Variants in POP1 observed in about 807,000 individuals in gnomAD.
The protein encoded by POP1 is ribonucleases P/MRP protein subunit POP1.
In POP1, 75 loss-of-function variants were observed where a neutral mutation model predicts 102.2. The ratio of observed to expected loss-of-function variants is 0.73; its 90% CI spans 0.61 to 0.89. The LOEUF (loss-of-function observed/expected upper bound fraction) is 0.89. Among genes scored for constraint, POP1 ranks in the 40% least tolerant of loss-of-function variants. The pLI is 0.00. For synonymous variants in POP1, 436 were observed against 464.1 expected (o/e 0.94, Z 0.78); for missense variants, 1,116 against 1,267.4 (o/e 0.88, Z 1.81).
chr8:98,130,766 T>C lies in POP1; in HGVS notation c.735+540T>C, dbSNP rs183409825. ...TTCATCAATAACAGATATTTGAGAA[T>C]CAACTGTGTACCCTGAACAGGGTTC... is the stretch of plus-strand genomic sequence containing the variant. On this transcript the variant is annotated intron_variant, in intron 5 of 15. Coordinates refer to ENST00000401707, the MANE Select transcript of POP1 (RefSeq NM_001145860.2). Among the ~76,000 whole-genome samples the C allele has an allele frequency of 4.6e-5, 7 of 152,328 alleles. No individual in the cohort carries two copies. The East Asian group carries it at 1.4e-3, about 29-fold the overall frequency.
Position 98,134,456 on chromosome 8 carries a change from CT to C in POP1, c.824-12del. On this transcript the variant is annotated splice_polypyrimidine_tract_variant and intron_variant, in intron 6 of 15. Transcript: ENST00000401707. ...CAACACCCGGAATTATGGAATTTTG[CT>C]TTTGTTGATGTCAGGGCTGACGTTT... 1 of 1,613,652 alleles carries C rather than the reference CT, an allele frequency of 6.2e-7. No homozygotes were observed. The highest frequency in any genetic ancestry group is 8.5e-7 in the Non-Finnish European group (1 of 1,179,926).
At chr8:98,123,702 G>A (rs1339182720) in intron 2 of POP1, among the ~76,000 whole-genome samples, 6 of 151,854 alleles carry the variant, frequency 4.0e-5, no homozygotes, top group Non-Finnish European at 8.8e-5. Flanking sequence ...GCTTGAACCT[G>A]GGAGGTGGAG....
chr8:98,139,182 A>T (rs1348463413), intron 9 of POP1, among the ~76,000 whole-genome samples: 1 of 152,156 alleles, frequency 6.6e-6, no homozygotes, highest in Non-Finnish European at 1.5e-5. Context: ...GTAAGTGCAC[A>T]TCCTACTTCA....
Position 98,157,994 on chromosome 8 carries a change from G to C in POP1, c.2798G>C (p.Gly933Ala). 1 of 1,612,850 alleles carries C rather than the reference G, an allele frequency of 6.2e-7. No homozygotes were observed. The highest frequency in any genetic ancestry group is 1.7e-5 in the Admixed American group (1 of 60,030). Residue 933 changes from glycine (G) to alanine (A), a missense_variant, in exon 16 of 16, where the codon GGG (glycine) becomes GCG (alanine). Coordinates refer to ENST00000401707, the MANE Select transcript of POP1 (RefSeq NM_001145860.2). Reference sequence around the variant, plus strand: ...CGTGCCTCTTCTGATGGCCCGGCGGGGGAAGAGCCCGTGGCTGGGCAGGAA... The same window carrying C: ...CGTGCCTCTTCTGATGGCCCGGCGGCGGAAGAGCCCGTGGCTGGGCAGGAA... ...PGRASSDGPA[G>A]EEPVAGQEAL...
rs904784437 is a variant in POP1 at position 98,147,685 on chromosome 8, G to A, written c.1710+1002G>A. On this transcript the variant is annotated intron_variant, in intron 12 of 15. Transcript: ENST00000401707. Reference sequence around the variant, plus strand: ...TGACATAATGGGGGCCTGAATTGTGGCAGTGTGGCTAGAGTGGAGAGGGTG... The same window carrying A: ...TGACATAATGGGGGCCTGAATTGTGACAGTGTGGCTAGAGTGGAGAGGGTG... Among the ~76,000 whole-genome samples, 4 of 152,288 alleles carry A rather than the reference G, an allele frequency of 2.6e-5. No individual in the cohort carries two copies. In the East Asian group the frequency reaches 5.8e-4, roughly 22 times the overall value.
At chr8:98,127,867 C>T in intron 3 of POP1, 105 bp downstream of exon 3, 1 of 1,181,386 alleles carries the variant, frequency 8.5e-7, no homozygotes, top group South Asian at 1.3e-5. Flanking sequence ...TCCCCTACCT[C>T]TCCTCTCCTC....
chr8:98,125,989 G>A (rs533071208), intron 2 of POP1, among the ~76,000 whole-genome samples: 19 of 151,898 alleles, frequency 1.3e-4, no homozygotes, highest in African/African-American at 4.6e-4. Context: ...GGGGCTACAA[G>A]CATGTGCCAT....
At chr8:98,157,231 G>A (rs557546378) in intron 15 of POP1, among the ~76,000 whole-genome samples, 15 of 152,092 alleles carry the variant, frequency 9.9e-5, no homozygotes, top group Non-Finnish European at 1.5e-4. Flanking sequence ...TTACTTTTCC[G>A]TATAGTAGCC....
intron 14 of POP1, among the ~76,000 whole-genome samples, chr8:98,153,531 C>CCCTTTTTTTTTTTTTTTTTTTTT (rs1430760385): frequency 1.2e-5 from 1 of 81,236 alleles, no homozygotes. Context: ...ACAGTTCTGA[C>CCCTTTTTTTTTTTTTTTTTTTTT]TCTTTTTTTT....
intron 11 of POP1, among the ~76,000 whole-genome samples, chr8:98,142,318 A>G (rs1366946132): frequency 1.3e-5 from 2 of 152,178 alleles, no homozygotes; most frequent in Non-Finnish European, 2.9e-5. Flanking sequence ...CGGCCTCCCA[A>G]AGTGCTGGGA....
rs954782349 is a variant in POP1 at position 98,134,782 on chromosome 8, G to A, written c.1011+123G>A. 3 of 1,053,232 alleles carry A rather than the reference G, an allele frequency of 2.8e-6. No homozygotes were observed. The East Asian group carries it at 7.4e-5, about 26-fold the overall frequency. The allele number at this position is 1,053,232 out of a possible 1,614,324, so 65.2% of individuals were successfully genotyped here. A position where few individuals can be genotyped will look rare whatever the true frequency, so the allele number is the denominator to read the frequency against. On this transcript the variant is annotated intron_variant, in intron 7 of 15. Transcript: ENST00000401707. ...TCTGATAGTCTGATATTTGTATATG[G>A]GGGGCTCTATGATTATTGAATGAAG...
intron 2 of POP1, 125 bp from the exon 3 acceptor site, chr8:98,127,470 G>T: frequency 8.6e-7 from 1 of 1,166,588 alleles, no homozygotes; most frequent in Non-Finnish European, 1.3e-6. Context: ...AGTAGTAATA[G>T]CCACCTTACA....
At chr8:98,157,523 G>A (rs563987866) in intron 15 of POP1, 94 bp from the exon 16 acceptor site, 14 of 1,420,588 alleles carry the variant, frequency 9.9e-6, no homozygotes, top group Non-Finnish European at 1.4e-5. Flanking sequence ...TAGTATAAAA[G>A]AATCAAATTA....
chr8:98,157,077 A>G (rs1273311372), intron 15 of POP1, among the ~76,000 whole-genome samples: 2 of 150,556 alleles, frequency 1.3e-5, no homozygotes, highest in Non-Finnish European at 2.9e-5. Context: ...AATTTTCACC[A>G]TGTTGGCCAG....
At chr8:98,156,021 C>T (rs773820330) in intron 14 of POP1, 29 bp from the exon 15 acceptor site, 2 of 1,573,402 alleles carry the variant, frequency 1.3e-6, no homozygotes, top group Non-Finnish European at 1.7e-6. Context: ...AATTGTTCAA[C>T]ATTGGTTCTC....
In POP1 at chr8:98,130,232, C is replaced by A. The variant is rs1220828078; in HGVS notation, c.735+6C>A. 1.9e-6 allele frequency: 3 copies of A among 1,614,030 alleles called. No individual in the cohort carries two copies. The highest frequency in any genetic ancestry group is 2.5e-6 in the Non-Finnish European group (3 of 1,180,030). Reference sequence around the variant, plus strand: ...CGAACCGGTGCCTCCTGCAGGTGAGCTTTTCCAGTGGGCTTTTTTTGTTAT... The same window carrying A: ...CGAACCGGTGCCTCCTGCAGGTGAGATTTTCCAGTGGGCTTTTTTTGTTAT... On this transcript the variant is annotated splice_donor_region_variant and intron_variant, in intron 5 of 15. Coordinates refer to ENST00000401707, the MANE Select transcript of POP1 (RefSeq NM_001145860.2).
At chr8:98,151,480 TA>T (rs1809510895) in intron 14 of POP1, among the ~76,000 whole-genome samples, 1 of 152,224 alleles carries the variant, frequency 6.6e-6, no homozygotes, top group African/African-American at 2.4e-5. Context: ...TATTGCAAAG[TA>T]TATTCTAACA....
Position 98,130,172 on chromosome 8 carries a change from A to G in POP1, c.681A>G (p.Thr227=). The change falls in exon 5 of 16, where the codon ACA becomes ACG. Residue 227 remains threonine (T), a synonymous_variant. Transcript: ENST00000401707. ...KWGYCLGERP[T]VKSHRACYRA... ...GCTACTGCCTTGGGGAGAGGCCAAC[A>G]GTCAAGAGCCACAGAGCCTGCTATC... 3 of 1,614,198 alleles carry G rather than the reference A, an allele frequency of 1.9e-6. No homozygotes were observed. The highest frequency in any genetic ancestry group is 1.6e-4 in the Middle Eastern group (1 of 6,062).
Position 98,128,381 on chromosome 8 carries a change from A to G in POP1, c.327A>G (p.Gln109=), listed in dbSNP as rs145635384. 99 of 1,614,098 alleles carry G rather than the reference A, an allele frequency of 6.1e-5. No individual in the cohort carries two copies. In the African/African-American group the frequency reaches 8.3e-4, roughly 13 times the overall value. ...CTTCAACAGCTTCTACTTTTGCTCA[A>G]GCACGAGCTGCTGAAATCAGTGCTA... The part of the protein sequence containing the change: ...PKYITASTFA[Q]ARAAEISAML... The change falls in exon 4 of 16, where the codon CAA becomes CAG. Residue 109 remains glutamine (Q), a synonymous_variant. Coordinates refer to ENST00000401707, the MANE Select transcript of POP1 (RefSeq NM_001145860.2).
Sources: gnomAD v4.1 joint callset for allele counts (sites outside exome capture counted in the v4.1 genomes callset) on GRCh38, gnomAD v4.1.1 for gene constraint, MANE v1.5 for transcripts, NCBI Gene and HGNC (gene_info 2026-07-23, HGNC 2026-07-21) for gene names.